COMMD1: variants seen among roughly 807,000 people sequenced by gnomAD.
COMMD1 encodes copper metabolism domain containing 1.
Under a neutral mutation model 17.2 loss-of-function variants are expected in COMMD1, and 10 were observed. The ratio of observed to expected loss-of-function variants is 0.58; its 90% CI spans 0.36 to 0.99. COMMD1 has a LOEUF of 0.99. COMMD1 is among the 50% of genes least tolerant of loss of function. COMMD1 has a pLI of 0.01. For missense variants in COMMD1, 270 were observed against 231.8 expected (o/e 1.17, Z -1.07); for synonymous variants, 97 against 91.6 (o/e 1.06, Z -0.34).
intron 1 of COMMD1, among the ~76,000 whole-genome samples, chr2:61,914,931 C>T (rs180875433): frequency 2.0e-5 from 3 of 151,812 alleles, no homozygotes; most frequent in Non-Finnish European, 4.4e-5. Flanking sequence ...CTCAAGTGAT[C>T]CACCCACCTG....
chr2:62,066,203 A>T (rs954019036), intron 2 of COMMD1, among the ~76,000 whole-genome samples: 1 of 152,172 alleles, frequency 6.6e-6, no homozygotes, highest in Non-Finnish European at 1.5e-5. Flanking sequence ...GTTATTTCCT[A>T]AAATGACCCA....
At chr2:61,891,688 A>G (rs1669435177) in intron 1 of COMMD1, among the ~76,000 whole-genome samples, 1 of 151,880 alleles carries the variant, frequency 6.6e-6, no homozygotes. Flanking sequence ...AGATCATGCC[A>G]CTGCACTCCA....
intron 2 of COMMD1, among the ~76,000 whole-genome samples, chr2:62,010,101 C>T (rs917395079): frequency 2.6e-5 from 4 of 152,056 alleles, no homozygotes; most frequent in Non-Finnish European, 5.9e-5. Context: ...TAATACAGTA[C>T]TTCTTTTTCT....
chr2:62,003,548 A>T (rs1048627516), intron 2 of COMMD1, among the ~76,000 whole-genome samples: 1 of 151,860 alleles, frequency 6.6e-6, no homozygotes, highest in East Asian at 1.9e-4. Flanking sequence ...CTCAAAAAAA[A>T]AAAACAAAAA....
intron 1 of COMMD1, among the ~76,000 whole-genome samples, chr2:61,996,314 A>ATGTGTGTGTGTG (rs70946774): frequency 2.1e-5 from 3 of 142,314 alleles, no homozygotes; most frequent in African/African-American, 5.3e-5. Context: ...TGTTTTCTAA[A>ATGTGTGTGTGTG]TGTGTGTGTG....
At chr2:62,088,017 T>C (rs944373820) in intron 2 of COMMD1, among the ~76,000 whole-genome samples, 5 of 152,232 alleles carry the variant, frequency 3.3e-5, no homozygotes, top group African/African-American at 1.2e-4. Flanking sequence ...ATGAATAACA[T>C]TTTAACTACC....
chr2:61,979,531 G>A (rs1287302157), intron 1 of COMMD1, among the ~76,000 whole-genome samples: 1 of 152,022 alleles, frequency 6.6e-6, no homozygotes, highest in Non-Finnish European at 1.5e-5. Flanking sequence ...CCACTGCTAG[G>A]TATATTCCCA....
chr2:61,990,742 G>A (rs540160863), intron 1 of COMMD1, among the ~76,000 whole-genome samples: 8 of 152,038 alleles, frequency 5.3e-5, no homozygotes, highest in African/African-American at 1.4e-4. Context: ...ATTCACTATC[G>A]TGGCATGGGA....
At chr2:62,028,916 G>T (rs958241972) in intron 2 of COMMD1, among the ~76,000 whole-genome samples, 3 of 152,004 alleles carry the variant, frequency 2.0e-5, no homozygotes, top group Middle Eastern at 3.2e-3. Context: ...TATCTAAATG[G>T]TCTTTCTTAC....
intron 1 of COMMD1, among the ~76,000 whole-genome samples, chr2:61,966,217 C>A (rs772899931): frequency 6.6e-6 from 1 of 152,066 alleles, no homozygotes; most frequent in Non-Finnish European, 1.5e-5. Context: ...GCTTGGTTTA[C>A]TGTTAAACTG....
At chr2:61,916,666 A>G (rs908115875) in intron 1 of COMMD1, among the ~76,000 whole-genome samples, 10 of 151,990 alleles carry the variant, frequency 6.6e-5, no homozygotes, top group African/African-American at 2.2e-4. Context: ...GGCTCAAGTG[A>G]TCTATCCACC....
chr2:62,044,512 A>G (rs995406220), intron 2 of COMMD1, among the ~76,000 whole-genome samples: 3 of 152,230 alleles, frequency 2.0e-5, no homozygotes, highest in Non-Finnish European at 4.4e-5. Flanking sequence ...AGAATTTAGA[A>G]TGGTTGAAAA....
At chr2:61,919,698 A>G (rs1360124644) in intron 1 of COMMD1, among the ~76,000 whole-genome samples, 1 of 152,078 alleles carries the variant, frequency 6.6e-6, no homozygotes, top group African/African-American at 2.4e-5. Flanking sequence ...CTTCTTTTAA[A>G]TGCCTTTATA....
At chr2:61,901,055 T>G (rs540901267), upstream of COMMD1, among the ~76,000 whole-genome samples, 9 of 152,188 alleles carry the variant, frequency 5.9e-5, no homozygotes, top group East Asian at 1.6e-3. Context: ...CAAGCAATTC[T>G]CTTGTCTCAG....
Position 61,939,715 on chromosome 2 carries a change from A to G in COMMD1, c.180+33857A>G, listed in dbSNP as rs1285252679. On this transcript the variant is annotated intron_variant, in intron 1 of 2. Coordinates refer to ENST00000311832, the MANE Select transcript of COMMD1 (RefSeq NM_152516.4). ...TGCTTACAAAAACATAGTTCACCCA[A>G]ATGCTCTAAACTATAAATAACTATA... is the stretch of plus-strand genomic sequence containing the variant. Among the ~76,000 whole-genome samples the G allele has an allele frequency of 2.0e-5, 3 of 152,166 alleles. No individual in the cohort carries two copies. In the East Asian group the frequency reaches 5.8e-4, roughly 29 times the overall value.
In COMMD1 at chr2:62,123,388, C is replaced by T. The variant is rs111245137; in HGVS notation, c.463-12443C>T. The stretch of plus-strand genomic sequence containing the variant: ...GGTGTGGTGGCGCGCACCTGTAGTA[C>T]CAGCTACTTGGGAGGCTGAGGCAGG... On this transcript the variant is annotated intron_variant, in intron 2 of 2. Coordinates refer to ENST00000311832, the MANE Select transcript of COMMD1 (RefSeq NM_152516.4). Among the ~76,000 whole-genome samples the T allele has an allele frequency of 3.4e-3, 512 of 151,262 alleles. 15 individuals are homozygous for T. Among genetic ancestry groups the T allele is most frequent in the African/African-American group, 0.012 (494 of 40,944 alleles).
intron 2 of COMMD1, among the ~76,000 whole-genome samples, chr2:62,132,878 C>T (rs984490748): frequency 6.6e-6 from 1 of 152,130 alleles, no homozygotes; most frequent in Non-Finnish European, 1.5e-5. Context: ...AAACTAAAGC[C>T]CTCAATAAAA....
intron 1 of COMMD1, among the ~76,000 whole-genome samples, chr2:61,915,487 A>G (rs1670024766): frequency 6.6e-6 from 1 of 151,902 alleles, no homozygotes; most frequent in African/African-American, 2.4e-5. Flanking sequence ...ACATTTAAAA[A>G]TTGATTAAAA....
intron 2 of COMMD1, among the ~76,000 whole-genome samples, chr2:62,051,438 A>G (rs1451125639): frequency 2.0e-5 from 3 of 152,194 alleles, no homozygotes; most frequent in East Asian, 3.8e-4. Flanking sequence ...CTGAAAACTA[A>G]TATTTTTTCA....
Sources: allele counts gnomAD v4.1 joint callset (sites outside exome capture counted in the v4.1 genomes callset), GRCh38; gene constraint gnomAD v4.1.1; transcripts MANE v1.5; gene names NCBI Gene and HGNC (gene_info 2026-07-23, HGNC 2026-07-21).